Variants in CTNND2 observed in about 807,000 individuals in gnomAD.
CTNND2 encodes catenin delta-2.
In CTNND2, 22 loss-of-function variants were observed where a neutral mutation model predicts 144.4. The ratio of observed to expected loss-of-function variants is 0.15; its 90% CI spans 0.11 to 0.22. The LOEUF is 0.22. Among genes scored for constraint, CTNND2 ranks in the 10% least tolerant of loss-of-function variants. CTNND2 has a pLI of 1.00. For synonymous variants in CTNND2, 751 were observed against 695.6 expected (o/e 1.08, Z -1.25); for missense variants, 1,353 against 1,618.8 (o/e 0.84, Z 2.82).
chr5:11,656,180 T>C lies in CTNND2; in HGVS notation c.174+75956A>G, dbSNP rs149788363. Among the ~76,000 whole-genome samples, 655 of 152,220 alleles carry C rather than the reference T, an allele frequency of 4.3e-3. 5 individuals carry two copies. The highest frequency in any genetic ancestry group is 0.015 in the African/African-American group (621 of 41,574). On this transcript the variant is annotated intron_variant, in intron 2 of 21. Coordinates refer to ENST00000304623, the MANE Select transcript of CTNND2 (RefSeq NM_001332.4). ...TTCAAGCAAGATGAATCTGGATTTT[T>C]AAAATTTTTATGCATGCTTTTTCAG...
chr5:11,393,265 A>C (rs1271100703), intron 6 of CTNND2, among the ~76,000 whole-genome samples: 1 of 152,068 alleles, frequency 6.6e-6, no homozygotes, highest in Non-Finnish European at 1.5e-5. Context: ...ACTATCATAC[A>C]ATTCTTAATT....
chr5:11,261,940 G>A (rs967748172), intron 9 of CTNND2, among the ~76,000 whole-genome samples: 2 of 152,210 alleles, frequency 1.3e-5, no homozygotes, highest in Non-Finnish European at 2.9e-5. Context: ...TAAGTATCTC[G>A]TGTAGAAAGT....
At chr5:11,747,019 C>T (rs1348776452) in intron 1 of CTNND2, among the ~76,000 whole-genome samples, 4 of 152,086 alleles carry the variant, frequency 2.6e-5, no homozygotes, top group African/African-American at 9.7e-5. Flanking sequence ...ATATATATTT[C>T]TACCAATCAC....
At chr5:11,857,495 G>A (rs756257066) in intron 1 of CTNND2, among the ~76,000 whole-genome samples, 53 of 152,128 alleles carry the variant, frequency 3.5e-4, no homozygotes, top group Non-Finnish European at 6.0e-4. Flanking sequence ...AGGACAATAC[G>A]ATCTGATGAC....
intron 2 of CTNND2, among the ~76,000 whole-genome samples, chr5:11,593,007 T>A (rs964092647): frequency 2.6e-5 from 4 of 151,878 alleles, no homozygotes; most frequent in African/African-American, 9.7e-5. Flanking sequence ...GAGGGAAAGA[T>A]AGTGCCTTCA....
At chr5:11,771,474 G>C (rs1191712588) in intron 1 of CTNND2, among the ~76,000 whole-genome samples, 1 of 151,758 alleles carries the variant, frequency 6.6e-6, no homozygotes, top group African/African-American at 2.4e-5. Flanking sequence ...AAGAAGAATA[G>C]AGTTAAAATA....
intron 2 of CTNND2, among the ~76,000 whole-genome samples, chr5:11,664,202 T>A (rs1384692699): frequency 6.6e-6 from 1 of 152,216 alleles, no homozygotes; most frequent in Non-Finnish European, 1.5e-5. Context: ...ACATACTATA[T>A]TGTTATCAAT....
At chr5:11,204,667 G>A (rs1030289776) in intron 10 of CTNND2, among the ~76,000 whole-genome samples, 2 of 152,082 alleles carry the variant, frequency 1.3e-5, no homozygotes, top group African/African-American at 4.8e-5. Context: ...ACATCAATGA[G>A]TAATTTATAG....
chr5:11,138,867 G>A (rs2149730626), intron 12 of CTNND2, among the ~76,000 whole-genome samples: 1 of 152,332 alleles, frequency 6.6e-6, no homozygotes, highest in South Asian at 2.1e-4. Flanking sequence ...TTAGTCATGA[G>A]GAGGTTCCTT....
intron 9 of CTNND2, among the ~76,000 whole-genome samples, chr5:11,240,536 AAC>A (rs1377410845): frequency 2.3e-4 from 16 of 70,850 alleles, no homozygotes; most frequent in Middle Eastern, 8.8e-3. Context: ...ACACACACCC[AAC>A]ACACACACCC....
intron 9 of CTNND2, among the ~76,000 whole-genome samples, chr5:11,344,242 AT>A (rs1243533737): frequency 1.3e-5 from 2 of 151,738 alleles, no homozygotes; most frequent in Non-Finnish European, 2.9e-5. Flanking sequence ...AATACAAAAA[AT>A]TAGCCGGGCG....
At chr5:11,643,510 T>C (rs1395625113) in intron 2 of CTNND2, among the ~76,000 whole-genome samples, 1 of 151,684 alleles carries the variant, frequency 6.6e-6, no homozygotes. Flanking sequence ...CTTGCGATAG[T>C]TTGCTGAGAA....
intron 2 of CTNND2, among the ~76,000 whole-genome samples, chr5:11,675,317 A>G (rs1784115870): frequency 6.6e-6 from 1 of 152,172 alleles, no homozygotes; most frequent in African/African-American, 2.4e-5. Flanking sequence ...ATTTTCAAAC[A>G]GCCACTGGCA....
At chr5:11,801,024 G>C (rs1791652400) in intron 1 of CTNND2, among the ~76,000 whole-genome samples, 1 of 152,084 alleles carries the variant, frequency 6.6e-6, no homozygotes, top group Non-Finnish European at 1.5e-5. Flanking sequence ...AAAGAAAGAA[G>C]GTATTTAAGA....
chr5:11,510,960 A>G (rs1367431884), intron 3 of CTNND2, among the ~76,000 whole-genome samples: 1 of 152,096 alleles, frequency 6.6e-6, no homozygotes, highest in Non-Finnish European at 1.5e-5. Flanking sequence ...TTGAATAGAA[A>G]TTATTTCTCT....
At chr5:11,183,637 A>C (rs1373639867) in intron 11 of CTNND2, among the ~76,000 whole-genome samples, 2 of 151,080 alleles carry the variant, frequency 1.3e-5, no homozygotes, top group African/African-American at 4.9e-5. Context: ...AGCTCACTGC[A>C]ACCTCCGCCT....
intron 10 of CTNND2, among the ~76,000 whole-genome samples, chr5:11,228,925 A>G (rs1740664919): frequency 6.6e-6 from 1 of 152,212 alleles, no homozygotes; most frequent in Admixed American, 6.5e-5. Context: ...AGCAGTTAGG[A>G]TGATAAGGTA....
intron 9 of CTNND2, among the ~76,000 whole-genome samples, chr5:11,332,225 AGATC>A (rs914706462): frequency 1.1e-4 from 16 of 150,398 alleles, no homozygotes; most frequent in African/African-American, 3.9e-4. Flanking sequence ...CGGTGAGTGG[AGATC>A]GCGCCATTGC....
At chr5:11,486,251 C>T (rs958140869) in intron 3 of CTNND2, among the ~76,000 whole-genome samples, 2 of 152,050 alleles carry the variant, frequency 1.3e-5, no homozygotes, top group African/African-American at 2.4e-5. Context: ...CAGTAGATCA[C>T]ACTAGGTGAT....
Sources: allele counts gnomAD v4.1 joint callset (sites outside exome capture counted in the v4.1 genomes callset), GRCh38; gene constraint gnomAD v4.1.1; transcripts MANE v1.5; gene names NCBI Gene and HGNC (gene_info 2026-07-23, HGNC 2026-07-21).